ADAMTS17: variants seen among roughly 807,000 people sequenced by gnomAD.
The protein encoded by ADAMTS17 is A disintegrin and metalloproteinase with thrombospondin motifs 17.
ADAMTS17 carries 113 observed loss-of-function variants against 141.5 expected under a neutral mutation model. The ratio of observed to expected loss-of-function variants is 0.80; its 90% confidence interval spans 0.69 to 0.93. The LOEUF is 0.93. Ranked by LOEUF, ADAMTS17 falls within the 40% of genes least tolerant of loss-of-function variation. The pLI is 0.00. For synonymous variants in ADAMTS17, 768 were observed against 630.6 expected (o/e 1.22, Z -3.27); for missense variants, 1,659 against 1,517.9 (o/e 1.09, Z -1.54).
intron 3 of ADAMTS17, among the ~76,000 whole-genome samples, chr15:100,307,700 G>A (rs1054639435): frequency 1.3e-5 from 2 of 152,144 alleles, no homozygotes; most frequent in Non-Finnish European, 2.9e-5. Flanking sequence ...ATTTGAGGAG[G>A]AGAAAATGAG....
In ADAMTS17 at chr15:100,152,617, T is replaced by C. The variant is rs1267365732; in HGVS notation, c.1468A>G (p.Met490Val). 6 of 1,613,756 alleles carry C rather than the reference T, an allele frequency of 3.7e-6. No individual in the cohort carries two copies. Among genetic ancestry groups the C allele is most frequent in the Non-Finnish European group, 5.1e-6 (6 of 1,179,960 alleles). Reference sequence around the variant, plus strand: ...GCCCTCCCACGGCTGCTTACCTCCATGTTTCTGCAGAAGGTGGCATTCATG... The same window carrying C: ...GCCCTCCCACGGCTGCTTACCTCCACGTTTCTGCAGAAGGTGGCATTCATG... ...FGMNATFCRN[M>V]EHLMCAGLWC... The change falls in exon 10 of 22, where the codon ATG (methionine) becomes GTG (valine). Residue 490 changes from methionine (M) to valine (V), a missense_variant. Coordinates refer to ENST00000268070, the MANE Select transcript of ADAMTS17 (RefSeq NM_139057.4).
chr15:100,093,003 G>C (rs1386075571), intron 15 of ADAMTS17, among the ~76,000 whole-genome samples: 2 of 152,232 alleles, frequency 1.3e-5, no homozygotes, highest in African/African-American at 4.8e-5. Flanking sequence ...TAACTCAGCT[G>C]TCTTGAGCCA....
chr15:100,026,421 G>A (rs2061516504), intron 18 of ADAMTS17, among the ~76,000 whole-genome samples: 1 of 152,180 alleles, frequency 6.6e-6, no homozygotes, highest in African/African-American at 2.4e-5. Flanking sequence ...CATCTTAAAT[G>A]GGAGGCTAAA....
intron 4 of ADAMTS17, among the ~76,000 whole-genome samples, chr15:100,269,117 C>A (rs1435980738): frequency 6.6e-6 from 1 of 152,132 alleles, no homozygotes; most frequent in Non-Finnish European, 1.5e-5. Context: ...TCACCATATA[C>A]AAAAATGAAC....
At chr15:100,125,138 G>A (rs11638954) in intron 12 of ADAMTS17, among the ~76,000 whole-genome samples, 61,427 of 152,014 alleles carry the variant, frequency 0.4, 12,614 homozygotes, top group Admixed American at 0.47. Context: ...CCCTGCCCTG[G>A]CGGCCCCTGG....
chr15:100,044,198 T>C (rs1567081229), intron 18 of ADAMTS17, among the ~76,000 whole-genome samples: 3 of 152,214 alleles, frequency 2.0e-5, no homozygotes, highest in Non-Finnish European at 4.4e-5. Context: ...ACCTCTCATC[T>C]GTCTTTCACA....
intron 15 of ADAMTS17, among the ~76,000 whole-genome samples, chr15:100,083,092 C>A (rs895624727): frequency 6.6e-6 from 1 of 152,162 alleles, no homozygotes; most frequent in South Asian, 2.1e-4. Flanking sequence ...CGTGTGTGAC[C>A]ATGTGACTTG....
rs2573607 is a variant in ADAMTS17, at chr15:99,993,006, T to C, written c.2949+42A>G. Reference sequence around the variant, plus strand: ...CTGAGTTCCCGACCCTCGAGCCCCCTGCACTGCGGCACGGAGAGAAATGCC... The same window carrying C: ...CTGAGTTCCCGACCCTCGAGCCCCCCGCACTGCGGCACGGAGAGAAATGCC... On this transcript the variant is annotated intron_variant, in intron 20 of 21. Transcript: ENST00000268070. The surrounding 1 kb of genome is among the most constrained non-coding windows in gnomAD (Gnocchi z 4.3). 42,241 of 1,613,222 alleles carry C rather than the reference T, an allele frequency of 0.026. 5,701 individuals are homozygous for C. In the African/African-American group the frequency reaches 0.36, roughly 14 times the overall value.
Position 100,027,355 on chromosome 15 carries a change from G to C in ADAMTS17, c.2591+21502C>G, listed in dbSNP as rs189770033. On this transcript the variant is annotated intron_variant, in intron 18 of 21. Transcript: ENST00000268070. Reference sequence around the variant, plus strand: ...CATTTACATATTATTTTTCATTCCTGTATCTAACTTTGTGTTAGTCTTAGC... The same window carrying C: ...CATTTACATATTATTTTTCATTCCTCTATCTAACTTTGTGTTAGTCTTAGC... 2.2e-3 allele frequency among the ~76,000 whole-genome samples: 337 copies of C among 151,312 alleles called. 1 individual carries two copies. The highest frequency in any genetic ancestry group is 8.0e-3 in the African/African-American group (328 of 41,184).
intron 7 of ADAMTS17, among the ~76,000 whole-genome samples, chr15:100,229,592 T>C (rs1489499452): frequency 2.0e-5 from 3 of 152,212 alleles, no homozygotes; most frequent in Non-Finnish European, 2.9e-5. Context: ...CCCAGTCTCC[T>C]GGCTGCAGTC....
chr15:100,016,056 T>C (rs1210772009), intron 18 of ADAMTS17, among the ~76,000 whole-genome samples: 1 of 152,246 alleles, frequency 6.6e-6, no homozygotes, highest in Non-Finnish European at 1.5e-5. Context: ...GAGGCTTTGT[T>C]CATACTTTCT....
chr15:100,111,959 T>C (rs12902069), intron 13 of ADAMTS17, among the ~76,000 whole-genome samples: 44,113 of 152,136 alleles, frequency 0.29, 6,517 homozygotes, highest in East Asian at 0.39. Context: ...TGAGAACTCC[T>C]AGGGCCAAAA....
intron 16 of ADAMTS17, 65 bp from the exon 17 acceptor site, chr15:100,051,796 C>T: frequency 1.3e-6 from 2 of 1,598,828 alleles, no homozygotes; most frequent in East Asian, 2.2e-5. Context: ...AATGCCGAAT[C>T]TGCACACACA....
At chr15:100,204,821 G>A (rs1490855149) in intron 7 of ADAMTS17, among the ~76,000 whole-genome samples, 1 of 152,210 alleles carries the variant, frequency 6.6e-6, no homozygotes, top group Non-Finnish European at 1.5e-5. Flanking sequence ...GGGGCTGGGA[G>A]TGAGGTAAGG....
chr15:99,992,980 G>T (rs1027695157), intron 20 of ADAMTS17, 68 bp downstream of exon 20: 4 of 1,599,258 alleles, frequency 2.5e-6, no homozygotes, highest in African/African-American at 2.7e-5. Context: ...CGTCACAAGA[G>T]CTGAGTTCCC....
chr15:99,977,376 ATATATATATATATATATATATATAATTTT>A (rs2060369651), intron 20 of ADAMTS17, among the ~76,000 whole-genome samples: 3 of 16,650 alleles, frequency 1.8e-4, no homozygotes, highest in African/African-American at 9.4e-4. Context: ...ATATATATAT[ATATATATATATATATATATATATAATTTT>A]TTTTTTTTTT....
At chr15:100,340,623 TAAC>T (rs1467603135) in intron 2 of ADAMTS17, among the ~76,000 whole-genome samples, 13 of 151,986 alleles carry the variant, frequency 8.6e-5, no homozygotes, top group Non-Finnish European at 1.3e-4. Flanking sequence ...TCCAAGAACA[TAAC>T]ACCTACACGT....
chr15:100,002,558 G>A (rs11858932), intron 18 of ADAMTS17, among the ~76,000 whole-genome samples: 75,188 of 151,440 alleles, frequency 0.5, 19,371 homozygotes, highest in Non-Finnish European at 0.57. Context: ...CTCTACATCC[G>A]CCGTCACCTC....
intron 4 of ADAMTS17, among the ~76,000 whole-genome samples, chr15:100,278,418 G>C (rs748204876): frequency 1.3e-5 from 2 of 152,116 alleles, no homozygotes; most frequent in Non-Finnish European, 2.9e-5. Flanking sequence ...TTGAAGGAGG[G>C]GTGGGAGCAG....
Sources: gnomAD v4.1 joint callset for allele counts (sites outside exome capture counted in the v4.1 genomes callset) on GRCh38, gnomAD v4.1.1 for gene constraint, Gnocchi (gnomAD v3.1) non-coding constraint, MANE v1.5 for transcripts, NCBI Gene and HGNC (gene_info 2026-07-23, HGNC 2026-07-21) for gene names.